Variants in BPTF observed in about 807,000 individuals in gnomAD.
BPTF encodes bromodomain PHD finger transcription factor.
In BPTF, 18 loss-of-function variants were observed where a neutral mutation model predicts 292.5. The observed-to-expected ratio is 0.06, with a 90% CI of 0.04 to 0.09. The LOEUF (loss-of-function observed/expected upper bound fraction) is 0.09, where lower values mean the gene tolerates loss of function less well. Ranked by LOEUF, BPTF falls within the 10% of genes least tolerant of loss-of-function variation. The pLI is 1.00. For synonymous variants in BPTF, 1,225 were observed against 1,251.9 expected, an observed-to-expected ratio of 0.98 and a Z score of 0.45; for missense variants, 2,726 against 3,498.7, an observed-to-expected ratio of 0.78 and a Z score of 5.57.
chr17:67,905,643 A>G (rs2062132547), intron 9 of BPTF, among the ~76,000 whole-genome samples: 2 of 152,130 alleles, frequency 1.3e-5, no homozygotes, highest in Non-Finnish European at 2.9e-5. Flanking sequence ...CAGGAGTTTG[A>G]GGCTGCAGTA....
intron 4 of BPTF, among the ~76,000 whole-genome samples, chr17:67,890,116 G>C (rs1442324515): frequency 1.3e-5 from 2 of 152,188 alleles, no homozygotes; most frequent in Non-Finnish European, 2.9e-5. Context: ...CAAAACTGTA[G>C]TAGTGTGATA....
rs1009609118 is a variant in BPTF, at chr17:67,852,128, CTG to C, written c.614-1810_614-1809del. ...TTTAATGTCGTTCTCTCTTTAAACA[CTG>C]TAGTCTATGTTCAATTCTATAAACT... On this transcript the variant is annotated intron_variant, in intron 1 of 27. Transcript: ENST00000306378. Among the ~76,000 whole-genome samples, 21 of 152,120 alleles carry C rather than the reference CTG, an allele frequency of 1.4e-4. 2 individuals are homozygous for C. The highest frequency in any genetic ancestry group is 1.2e-3 in the Admixed American group (19 of 15,262).
intron 1 of BPTF, among the ~76,000 whole-genome samples, chr17:67,852,426 G>GAT (rs1349247557): frequency 2.0e-5 from 3 of 150,974 alleles, no homozygotes; most frequent in South Asian, 4.2e-4. Flanking sequence ...TGACCTCTTA[G>GAT]ATATATATAT....
At position 67,912,831 on chromosome 17, in the gene BPTF, A is replaced by G; in HGVS notation, c.4947A>G (p.Val1649=). 1 of 1,614,186 alleles carries G rather than the reference A, an allele frequency of 6.2e-7. No homozygotes were observed. Among genetic ancestry groups the G allele is most frequent in the Non-Finnish European group, 8.5e-7 (1 of 1,180,022 alleles). ...STGGSVDIIS[V]KEQSKTVVTT... ...GCGGCAGTGTGGACATCATCTCTGTAAAGGAGCAGAGCAAAACCGTGGTCA... is the reference window on the plus strand; with the variant it reads ...GCGGCAGTGTGGACATCATCTCTGTGAAGGAGCAGAGCAAAACCGTGGTCA... The change falls in exon 11 of 28, where the codon GTA becomes GTG. Residue 1649 remains valine, a synonymous_variant. Coordinates refer to ENST00000306378, the MANE Select transcript of BPTF (RefSeq NM_182641.4).
intron 2 of BPTF, among the ~76,000 whole-genome samples, chr17:67,862,439 C>T (rs72845277): frequency 2.0e-5 from 3 of 152,092 alleles, no homozygotes; most frequent in Non-Finnish European, 4.4e-5. Context: ...GTACCGTCAC[C>T]CTATTTTTCA....
chr17:67,974,482 G>A (rs1396897617), intron 26 of BPTF: 1 of 152,098 alleles, frequency 6.6e-6, no homozygotes, highest in East Asian at 1.9e-4. Context: ...CCTGAAGATA[G>A]GGTTAGATCC....
intron 2 of BPTF, 79 bp from the exon 3 acceptor site, chr17:67,866,380 TTTAAG>T (rs1485619833): frequency 2.7e-6 from 3 of 1,102,962 alleles, no homozygotes; most frequent in Non-Finnish European, 4.0e-6. Flanking sequence ...TAAGCTTTGT[TTTAAG>T]TTTTCACTGG....
intron 5 of BPTF, 171 bp from the exon 6 acceptor site, chr17:67,893,199 A>C: frequency 1.6e-6 from 1 of 609,160 alleles, no homozygotes; most frequent in South Asian, 2.1e-5. Context: ...GTTTAATTGT[A>C]AACAATTAGC....
At chr17:67,946,362 T>G in intron 21 of BPTF, 37 bp downstream of exon 21, 1 of 1,600,168 alleles carries the variant, frequency 6.2e-7, no homozygotes, top group Non-Finnish European at 8.5e-7. Context: ...GTTCAGTAGC[T>G]TGAATTATTG....
intron 23 of BPTF, chr17:67,951,408 C>T (rs1224532930): frequency 2.0e-5 from 3 of 152,158 alleles, no homozygotes; most frequent in Non-Finnish European, 4.4e-5. Context: ...CACAGGACCA[C>T]AAAGAGGAGA....
chr17:67,837,691 T>G (rs2057242662), intron 1 of BPTF, among the ~76,000 whole-genome samples: 1 of 152,216 alleles, frequency 6.6e-6, no homozygotes, highest in African/African-American at 2.4e-5. Flanking sequence ...ATTACAGGCG[T>G]GAGCCACCGT....
At position 67,959,656 on chromosome 17, in the gene BPTF, C is replaced by T. The variant is rs2067284452; in HGVS notation, c.8042C>T (p.Pro2681Leu). 1 of 1,610,878 alleles carries T rather than the reference C, an allele frequency of 6.2e-7. No homozygotes were observed. The highest frequency in any genetic ancestry group is 8.5e-7 in the Non-Finnish European group (1 of 1,178,526). The stretch of plus-strand genomic sequence containing the variant: ...GTGACACCAGCTCCTCCAGCCCCTC[C>T]AGCCCCTCCACCTTCACCTCCCCCT... The part of the protein sequence containing the change: ...PPVTPAPPAP[P>L]APPPSPPPPP... The change falls in exon 24 of 28, where the codon CCA becomes CTA. Residue 2681 changes from proline to leucine, a missense_variant. Around this residue, in one of 22 missense-constraint regions of BPTF, gnomAD observed 148 missense variants for 145.5 expected, o/e 1.02. Coordinates refer to ENST00000306378, the MANE Select transcript of BPTF (RefSeq NM_182641.4).
intron 20 of BPTF, among the ~76,000 whole-genome samples, chr17:67,945,089 G>A (rs782304995): frequency 2.6e-5 from 4 of 152,118 alleles, no homozygotes; most frequent in Non-Finnish European, 4.4e-5. Context: ...AGGCTGAAGC[G>A]AAGTAGCACC....
At chr17:67,868,895 A>G (rs979916499) in intron 3 of BPTF, among the ~76,000 whole-genome samples, 4 of 152,216 alleles carry the variant, frequency 2.6e-5, no homozygotes, top group African/African-American at 7.2e-5. Flanking sequence ...AGAAAAAAGC[A>G]TTCTTAGTTA....
chr17:67,943,318 T>TA (rs1324700512), intron 19 of BPTF, among the ~76,000 whole-genome samples: 8 of 152,204 alleles, frequency 5.3e-5, no homozygotes, highest in Non-Finnish European at 1.2e-4. Flanking sequence ...GGAGCTTACT[T>TA]AGTACATGGA....
At chr17:67,972,267 A>G (rs1487760921) in intron 26 of BPTF, among the ~76,000 whole-genome samples, 2 of 151,904 alleles carry the variant, frequency 1.3e-5, no homozygotes, top group African/African-American at 4.8e-5. Context: ...AAGGAATCTC[A>G]CTCTGTCACC....
At chr17:67,846,483 A>G (rs558120678) in intron 1 of BPTF, among the ~76,000 whole-genome samples, 7 of 152,330 alleles carry the variant, frequency 4.6e-5, no homozygotes, top group African/African-American at 1.4e-4. Flanking sequence ...CACGAGACAC[A>G]TGGCTATTAA....
At chr17:67,873,191 C>T (rs2059853146) in intron 3 of BPTF, among the ~76,000 whole-genome samples, 1 of 152,138 alleles carries the variant, frequency 6.6e-6, no homozygotes, top group Non-Finnish European at 1.5e-5. Flanking sequence ...GGTGCAGTGG[C>T]TCACGCCTGT....
rs56335701 is a variant in BPTF at position 67,843,754 on chromosome 17, C to CTTTTTTTTTTTTTTTTTTTTTTTTT, written c.614-10182_614-10158dup. 6.4e-5 allele frequency among the ~76,000 whole-genome samples: 4 copies of CTTTTTTTTTTTTTTTTTTTTTTTTT among 62,228 alleles called. 1 individual carries two copies. Among genetic ancestry groups the CTTTTTTTTTTTTTTTTTTTTTTTTT allele is most frequent in the African/African-American group, 3.4e-4 (4 of 11,926 alleles). The allele number at this position is 62,228 out of a possible 152,430, so 40.8% of individuals were successfully genotyped here. A position where few individuals can be genotyped will look rare whatever the true frequency, so the allele number is the denominator to read the frequency against. ...TTTTTAAATTGTCTGGAGCAGTTGT[C>CTTTTTTTTTTTTTTTTTTTTTTTTT]TTTTTTTTTTTTTTTTTTTTTTTTT... On this transcript the variant is annotated intron_variant, in intron 1 of 27. Coordinates refer to ENST00000306378, the MANE Select transcript of BPTF (RefSeq NM_182641.4).
Sources: gnomAD v4.1 joint callset for allele counts (sites outside exome capture counted in the v4.1 genomes callset) on GRCh38, gnomAD v4.1.1 for gene constraint, gnomAD v4.1.1 regional missense constraint, MANE v1.5 for transcripts, NCBI Gene and HGNC (gene_info 2026-07-23, HGNC 2026-07-21) for gene names.